Variants in NOTCH2 observed in about 807,000 individuals in gnomAD.
The protein encoded by NOTCH2 is neurogenic locus notch homolog protein 2.
Under a neutral mutation model 235.8 loss-of-function variants are expected in NOTCH2, and 29 were observed. That is an observed-to-expected ratio of 0.12 (90% confidence interval 0.09 to 0.17). The LOEUF (loss-of-function observed/expected upper bound fraction) is 0.17. Ranked by LOEUF, NOTCH2 falls within the 10% of genes least tolerant of loss-of-function variation. The pLI, the probability that NOTCH2 is intolerant of heterozygous loss-of-function variation, is 1.00. For missense variants in NOTCH2, 2,285 were observed against 3,150.2 expected, an observed-to-expected ratio of 0.73 and a Z score of 6.57; for synonymous variants, 1,086 against 1,141.5, an observed-to-expected ratio of 0.95 and a Z score of 0.98.
At chr1:119,949,258 G>C in intron 15 of NOTCH2, 132 bp from the exon 16 acceptor site, 1 of 914,096 alleles carries the variant, frequency 1.1e-6, no homozygotes, top group Non-Finnish European at 1.8e-6. Context: ...AGAAGCCCAT[G>C]ATCTTTCCAG....
Position 119,912,046 on chromosome 1 carries a change from C to G in NOTCH2, c.*3260G>C, listed in dbSNP as rs772090677. On this transcript the variant is annotated 3_prime_UTR_variant, in exon 34 of 34. Coordinates refer to ENST00000256646, the MANE Select transcript of NOTCH2 (RefSeq NM_024408.4). ...ATGCAGTATTGGAAAATAAAAAATA[C>G]AACACCACTGAGCTTGGCAAACCTT... is the stretch of plus-strand genomic sequence containing the variant. 1 of 233,510 alleles carries G rather than the reference C, an allele frequency of 4.3e-6. No homozygotes were observed. The highest frequency in any genetic ancestry group is 8.5e-6 in the Non-Finnish European group (1 of 118,020). The allele number at this position is 233,510 out of a possible 1,614,324, so 14.5% of individuals were successfully genotyped here.
At chr1:120,053,591 CA>C (rs1211494419) in intron 1 of NOTCH2, among the ~76,000 whole-genome samples, 1 of 131,786 alleles carries the variant, frequency 7.6e-6, no homozygotes, top group Non-Finnish European at 1.6e-5. Context: ...TTTTGATTCA[CA>C]GTGAGTTAAC....
intron 1 of NOTCH2, among the ~76,000 whole-genome samples, chr1:120,046,412 T>G (rs1272016058): frequency 1.2e-4 from 1 of 8,674 alleles, no homozygotes; most frequent in Non-Finnish European, 2.2e-4. Context: ...TCCAGGCCTT[T>G]CCAGCTCCTT....
intron 23 of NOTCH2, among the ~76,000 whole-genome samples, chr1:119,927,546 A>G (rs1460052164): frequency 6.6e-6 from 1 of 151,956 alleles, no homozygotes; most frequent in Non-Finnish European, 1.5e-5. Flanking sequence ...TTCATTCACA[A>G]ATGTGGAAAA....
chr1:119,963,873 T>C, intron 10 of NOTCH2, 66 bp from the exon 11 acceptor site: 3 of 1,327,288 alleles, frequency 2.3e-6, no homozygotes, highest in Non-Finnish European at 3.3e-6. Context: ...AGAACACAAG[T>C]GTAGCTACAT....
At chr1:119,941,358 T>C (rs1268969786) in intron 18 of NOTCH2, among the ~76,000 whole-genome samples, 168 bp downstream of exon 18, 2 of 152,184 alleles carry the variant, frequency 1.3e-5, no homozygotes, top group East Asian at 1.9e-4. Flanking sequence ...CTTTCTATTA[T>C]ATATGTTTAT....
intron 2 of NOTCH2, among the ~76,000 whole-genome samples, chr1:120,009,237 G>A (rs1653093467): frequency 6.6e-6 from 1 of 150,944 alleles, no homozygotes; most frequent in Non-Finnish European, 1.5e-5. Flanking sequence ...TTAAGCCACT[G>A]TAAAGAAAGA....
chr1:119,995,676 T>C (rs1423796716), intron 4 of NOTCH2: 1 of 152,384 alleles, frequency 6.6e-6, no homozygotes, highest in East Asian at 1.9e-4. Flanking sequence ...ATCTATTCTT[T>C]ATTAAAAGAG....
intron 2 of NOTCH2, among the ~76,000 whole-genome samples, chr1:120,007,102 G>A (rs1431426757): frequency 1.3e-5 from 2 of 152,086 alleles, no homozygotes; most frequent in Non-Finnish European, 2.9e-5. Context: ...AGCAAGGAGC[G>A]GCTAAGGCTC....
chr1:119,948,438 C>G lies in NOTCH2; in HGVS notation c.2728G>C (p.Glu910Gln), dbSNP rs2101114385. The G allele has an allele frequency of 6.2e-7, 1 of 1,614,206 alleles. No homozygotes were observed. Among genetic ancestry groups the G allele is most frequent in the South Asian group, 1.1e-5 (1 of 91,084 alleles). The change falls in exon 17 of 34, where the codon GAG (glutamate) becomes CAG (glutamine). Residue 910 changes from glutamate to glutamine, a missense_variant. This residue lies in a region of NOTCH2 where 1,173 missense variants were observed against 1,515.3 expected (regional missense o/e 0.77). Transcript: ENST00000256646. The part of the protein sequence containing the change: ...PPGFSGMDCE[E>Q]DIDDCLANPC... ...CTGGCAAGGCAGTCATCAATGTCCT[C>G]CTCACAGTCCATACCACTGAAGCCT...
chr1:119,934,381 G>A (rs1649775289), intron 22 of NOTCH2, among the ~76,000 whole-genome samples: 1 of 152,166 alleles, frequency 6.6e-6, no homozygotes, highest in African/African-American at 2.4e-5. Flanking sequence ...TACGATAACA[G>A]CTATCACCAG....
intron 13 of NOTCH2, 50 bp downstream of exon 13, chr1:119,954,990 C>CT: frequency 1.3e-6 from 2 of 1,595,354 alleles, no homozygotes; most frequent in Non-Finnish European, 8.6e-7. Context: ...TACAAGCCAA[C>CT]TGGCTTAACA....
intron 30 of NOTCH2, 38 bp downstream of exon 30, chr1:119,920,191 C>G (rs1258122565): frequency 1.2e-6 from 2 of 1,609,572 alleles, no homozygotes; most frequent in Non-Finnish European, 1.7e-6. Context: ...CATGGGCAGA[C>G]ACAGCCCAGT....
chr1:120,003,781 G>A (rs1224969151), intron 3 of NOTCH2, among the ~76,000 whole-genome samples: 5 of 151,568 alleles, frequency 3.3e-5, no homozygotes, highest in African/African-American at 7.3e-5. Context: ...TCATGAAAGG[G>A]TCACTAAGAC....
intron 2 of NOTCH2, among the ~76,000 whole-genome samples, chr1:120,015,833 GT>G (rs1402292124): frequency 3.0e-5 from 4 of 133,614 alleles, no homozygotes; most frequent in African/African-American, 1.1e-4. Flanking sequence ...TACCAACTTT[GT>G]TTTAAAAACA....
rs587628809 is a variant in NOTCH2 at position 120,067,094 on chromosome 1, A to G, written c.73+2240T>C. Among the ~76,000 whole-genome samples the G allele has an allele frequency of 2.1e-4, 32 of 152,168 alleles. No homozygotes were observed. In the East Asian group the frequency reaches 6.2e-3, roughly 29 times the overall value. On this transcript the variant is annotated intron_variant, in intron 1 of 33. Coordinates refer to ENST00000256646, the MANE Select transcript of NOTCH2 (RefSeq NM_024408.4). The stretch of plus-strand genomic sequence containing the variant: ...AAACTCCGTGATGTTTAAATTAACA[A>G]TTGGCCACAAGCCAAACACAGGAAC...
At chr1:120,012,092 C>T (rs587610886) in intron 2 of NOTCH2, among the ~76,000 whole-genome samples, 117 of 130,162 alleles carry the variant, frequency 9.0e-4, no homozygotes, top group African/African-American at 3.2e-3. Flanking sequence ...CTCTAGAGTG[C>T]GTGTGCTTCA....
intron 2 of NOTCH2, among the ~76,000 whole-genome samples, chr1:120,022,916 T>C (rs1653683739): frequency 6.7e-6 from 1 of 149,598 alleles, no homozygotes; most frequent in Non-Finnish European, 1.5e-5. Context: ...CACGAGTATA[T>C]CTCAGGTTAG....
At chr1:120,002,105 T>TC (rs2101230722) in intron 3 of NOTCH2, among the ~76,000 whole-genome samples, 1 of 152,162 alleles carries the variant, frequency 6.6e-6, no homozygotes, top group Non-Finnish European at 1.5e-5. Flanking sequence ...CCCCTAGTGA[T>TC]CCACTAGCAA....
Sources: allele counts gnomAD v4.1 joint callset (sites outside exome capture counted in the v4.1 genomes callset), GRCh38; gene constraint gnomAD v4.1.1; regional missense constraint gnomAD v4.1.1; transcripts MANE v1.5; gene names NCBI Gene and HGNC (gene_info 2026-07-23, HGNC 2026-07-21).